Variants in GSPT1 observed in about 807,000 individuals in gnomAD.
GSPT1 encodes eukaryotic peptide chain release factor GTP-binding subunit ERF3A.
A neutral mutation model predicts 72.5 loss-of-function variants in GSPT1; 20 were observed. That is an observed-to-expected ratio of 0.28 (90% confidence interval 0.19 to 0.40). GSPT1 has a LOEUF of 0.40. Ranked by LOEUF, GSPT1 falls within the 10% of genes least tolerant of loss-of-function variation. GSPT1 has a pLI of 1.00. For synonymous variants in GSPT1, 334 were observed against 293.5 expected (o/e 1.14, Z -1.41); for missense variants, 580 against 811.9 (o/e 0.71, Z 3.47).
intron 6 of GSPT1, among the ~76,000 whole-genome samples, chr16:11,888,112 G>T (rs2054206963): frequency 6.6e-6 from 1 of 152,112 alleles, no homozygotes; most frequent in African/African-American, 2.4e-5. Flanking sequence ...CCAAGACCGT[G>T]CCATTGCACT....
chr16:11,879,491 T>C (rs987301912), intron 11 of GSPT1, among the ~76,000 whole-genome samples: 1 of 151,906 alleles, frequency 6.6e-6, no homozygotes, highest in African/African-American at 2.4e-5. Context: ...CCCCAGCACT[T>C]TGGGAGGCCA....
intron 1 of GSPT1, among the ~76,000 whole-genome samples, chr16:11,909,403 G>A (rs1187413323): frequency 6.6e-6 from 1 of 152,152 alleles, no homozygotes; most frequent in Non-Finnish European, 1.5e-5. Context: ...AAAACTGTCA[G>A]TTTTCTTGAT....
chr16:11,879,056 A>G (rs750547168), intron 11 of GSPT1, among the ~76,000 whole-genome samples: 3 of 150,384 alleles, frequency 2.0e-5, no homozygotes, highest in Non-Finnish European at 4.4e-5. Context: ...AGCCTGGGCA[A>G]TAAGAGCGAA....
chr16:11,914,002 T>C (rs1018417928), intron 1 of GSPT1, among the ~76,000 whole-genome samples: 7 of 152,200 alleles, frequency 4.6e-5, no homozygotes, highest in African/African-American at 1.2e-4. Context: ...AAAGTTTCTG[T>C]AGAAACCAAA....
rs1281211376 is a variant in GSPT1 at position 11,868,870 on chromosome 16, G to A, written c.*4249C>T. On this transcript the variant is annotated 3_prime_UTR_variant, in exon 15 of 15. Transcript: ENST00000434724. ...AATCCTGGTGTTTTCTGCCTAATCA[G>A]AAGTAGTACCAACCTGCTTTTCCCT... 1 of 152,194 alleles carries A rather than the reference G, an allele frequency of 6.6e-6. No individual in the cohort carries two copies. The highest frequency in any genetic ancestry group is 1.5e-5 in the Non-Finnish European group (1 of 68,036). The allele number at this position is 152,194 out of a possible 1,614,324, so 9.4% of individuals were successfully genotyped here. A position where few individuals can be genotyped will look rare whatever the true frequency, so the allele number is the denominator to read the frequency against.
chr16:11,914,075 A>G (rs1193286392), intron 1 of GSPT1, among the ~76,000 whole-genome samples: 6 of 152,228 alleles, frequency 3.9e-5, no homozygotes, highest in Admixed American at 3.9e-4. Flanking sequence ...AACTTTAAAG[A>G]GAGAAATCAA....
In GSPT1 at chr16:11,871,989, G is replaced by A. The variant is rs1329077663; in HGVS notation, c.*1130C>T. 1.3e-5 allele frequency: 2 copies of A among 152,084 alleles called. No individual in the cohort carries two copies. Among genetic ancestry groups the A allele is most frequent in the South Asian group, 4.1e-4 (2 of 4,830 alleles). The allele number at this position is 152,084 out of a possible 1,614,324, so 9.4% of individuals were successfully genotyped here. ...TATACCCTGCTTGATTCTGCTTATCGCTGATAATTTTAGTCTGTTCAGATT... is the reference window on the plus strand; with the variant it reads ...TATACCCTGCTTGATTCTGCTTATCACTGATAATTTTAGTCTGTTCAGATT... On this transcript the variant is annotated 3_prime_UTR_variant, in exon 15 of 15. Coordinates refer to ENST00000434724, the MANE Select transcript of GSPT1 (RefSeq NM_002094.4).
chr16:11,896,020 A>C (rs1315813855), intron 4 of GSPT1, among the ~76,000 whole-genome samples: 2 of 152,238 alleles, frequency 1.3e-5, no homozygotes, highest in African/African-American at 4.8e-5. Context: ...AATGAAAGAC[A>C]CATAATTCTG....
At chr16:11,887,497 G>T in intron 7 of GSPT1, 73 bp downstream of exon 7, 3 of 1,242,684 alleles carry the variant, frequency 2.4e-6, no homozygotes, top group Non-Finnish European at 3.5e-6. Context: ...GCTTTTAGAA[G>T]ATAAATTCAA....
chr16:11,896,884 T>C (rs2054347046), intron 3 of GSPT1, 99 bp from the exon 4 acceptor site: 1 of 780,678 alleles, frequency 1.3e-6, no homozygotes, highest in Non-Finnish European at 2.1e-6. Flanking sequence ...TTTGCATATG[T>C]AGTTCCATTT....
intron 5 of GSPT1, among the ~76,000 whole-genome samples, chr16:11,892,227 T>C (rs1189655440): frequency 2.6e-5 from 4 of 151,482 alleles, no homozygotes; most frequent in African/African-American, 7.3e-5. Flanking sequence ...CCTGTATTCC[T>C]AGCTACTTGG....
intron 1 of GSPT1, among the ~76,000 whole-genome samples, chr16:11,901,977 T>A (rs1250578088): frequency 1.3e-5 from 2 of 151,372 alleles, no homozygotes; most frequent in Admixed American, 6.6e-5. Flanking sequence ...GTGCCTGTAA[T>A]CCCAGCTACT....
At chr16:11,878,186 G>T (rs907571099) in intron 11 of GSPT1, among the ~76,000 whole-genome samples, 4 of 152,122 alleles carry the variant, frequency 2.6e-5, no homozygotes, top group Admixed American at 2.6e-4. Context: ...TGCGATCTTG[G>T]CTCACTGCAA....
chr16:11,892,766 T>C (rs773784586), intron 5 of GSPT1, among the ~76,000 whole-genome samples: 1 of 119,198 alleles, frequency 8.4e-6, no homozygotes, highest in African/African-American at 3.2e-5. Flanking sequence ...GAGGCGGAGG[T>C]TGCAGTGAGC....
intron 6 of GSPT1, chr16:11,890,832 T>C: frequency 9.1e-6 from 3 of 331,176 alleles, no homozygotes; most frequent in Non-Finnish European, 1.6e-5. Flanking sequence ...TGGTTTATAG[T>C]ATTTTCAACA....
chr16:11,888,419 G>A (rs1459265147), intron 6 of GSPT1, among the ~76,000 whole-genome samples: 1 of 150,410 alleles, frequency 6.6e-6, no homozygotes, highest in Non-Finnish European at 1.5e-5. Flanking sequence ...CCAAGATCGT[G>A]CCATCGCACT....
chr16:11,896,904 T>A, intron 3 of GSPT1, 119 bp from the exon 4 acceptor site: 1 of 678,364 alleles, frequency 1.5e-6, no homozygotes, highest in Non-Finnish European at 2.5e-6. Context: ...TCCTAATGCC[T>A]AGTGACACAT....
chr16:11,888,658 A>G (rs1463111859), intron 6 of GSPT1, among the ~76,000 whole-genome samples: 1 of 152,068 alleles, frequency 6.6e-6, no homozygotes, highest in Admixed American at 6.5e-5. Flanking sequence ...GCTACTCGGG[A>G]GGCTGAGGCA....
At chr16:11,903,311 G>C (rs1464001074) in intron 1 of GSPT1, among the ~76,000 whole-genome samples, 2 of 152,056 alleles carry the variant, frequency 1.3e-5, no homozygotes, top group Non-Finnish European at 2.9e-5. Context: ...AGGAGTTTGA[G>C]ACCAGCCTGG....
Sources: gnomAD v4.1 joint callset for allele counts (sites outside exome capture counted in the v4.1 genomes callset) on GRCh38, gnomAD v4.1.1 for gene constraint, MANE v1.5 for transcripts, NCBI Gene and HGNC (gene_info 2026-07-23, HGNC 2026-07-21) for gene names.